The following CDKL2 variants were observed in gnomAD, a reference collection of about 807,000 sequenced individuals.
CDKL2 encodes cyclin dependent kinase like 2.
In CDKL2, 64 loss-of-function variants were observed where a neutral mutation model predicts 63.9. The observed-to-expected ratio is 1.00, with a 90% CI of 0.82 to 1.23. The LOEUF is 1.23. Ranked by LOEUF, CDKL2 falls within the 50% of genes most tolerant of loss-of-function variation. The probability of loss-of-function intolerance (pLI) is 0.00; values close to 1 mark genes in which losing one functional copy is unlikely to be tolerated. For synonymous variants in CDKL2, 211 were observed against 229.2 expected, an observed-to-expected ratio of 0.92 and a Z score of 0.72; for missense variants, 656 against 668.0, an observed-to-expected ratio of 0.98 and a Z score of 0.20.
chr4:75,598,138 C>T lies in CDKL2; in HGVS notation c.959G>A (p.Arg320Lys). Reference protein sequence around the residue: ...NVSLSKKSQNRKKEKEKDDSL... With the variant: ...NVSLSKKSQNKKKEKEKDDSL... ...ATCATCTTTTTCTTTTTCCTTCTTT[C>T]TGTTTTGGGATTTTTTAGATAAAGA... The change falls in exon 8 of 14, where the codon AGA becomes AAA. Residue 320 changes from arginine to lysine, a missense_variant. Coordinates refer to ENST00000307465, the MANE Select transcript of CDKL2 (RefSeq NM_001330724.2). 2 of 1,555,034 alleles carry T rather than the reference C, an allele frequency of 1.3e-6. No individual in the cohort carries two copies. Among genetic ancestry groups the T allele is most frequent in the Non-Finnish European group, 1.8e-6 (2 of 1,139,690 alleles).
At chr4:75,623,359 T>G (rs1730257133) in intron 2 of CDKL2, among the ~76,000 whole-genome samples, 1 of 152,096 alleles carries the variant, frequency 6.6e-6, no homozygotes, top group African/African-American at 2.4e-5. Context: ...TGGGACAGAA[T>G]AAAATCTTAC....
At chr4:75,608,981 G>C (rs1442764432) in intron 3 of CDKL2, among the ~76,000 whole-genome samples, 2 of 141,878 alleles carry the variant, frequency 1.4e-5, no homozygotes, top group Non-Finnish European at 3.0e-5. Context: ...GCAACAGAGC[G>C]AGACTCCATC....
At chr4:75,596,708 A>C (rs983372724) in intron 9 of CDKL2, among the ~76,000 whole-genome samples, 2 of 152,160 alleles carry the variant, frequency 1.3e-5, no homozygotes, top group Non-Finnish European at 2.9e-5. Flanking sequence ...GATTCTCTTC[A>C]CCTTAAGCAA....
At chr4:75,614,999 A>G (rs914532062) in intron 2 of CDKL2, among the ~76,000 whole-genome samples, 1 of 118,728 alleles carries the variant, frequency 8.4e-6, no homozygotes, top group African/African-American at 3.9e-5. Context: ...CAGCAGTGAA[A>G]ACATCCCTAG....
intron 3 of CDKL2, among the ~76,000 whole-genome samples, chr4:75,607,881 C>T (rs1489294673): frequency 6.6e-6 from 1 of 152,120 alleles, no homozygotes; most frequent in Non-Finnish European, 1.5e-5. Flanking sequence ...GGCGCGATCT[C>T]GGCTCACTGC....
intron 6 of CDKL2, among the ~76,000 whole-genome samples, chr4:75,600,858 A>AC (rs1323519185): frequency 6.6e-6 from 1 of 152,160 alleles, no homozygotes; most frequent in Non-Finnish European, 1.5e-5. Context: ...AGACCACCAA[A>AC]CATTCAGTGT....
At chr4:75,581,042 C>A (rs1341400808) in intron 13 of CDKL2, among the ~76,000 whole-genome samples, 1 of 152,066 alleles carries the variant, frequency 6.6e-6, no homozygotes, top group Non-Finnish European at 1.5e-5. Context: ...AAAAGGAAGT[C>A]AATAATTTGG....
chr4:75,603,234 TCATGATC>T (rs1401753912), intron 6 of CDKL2, among the ~76,000 whole-genome samples: 1 of 144,166 alleles, frequency 6.9e-6, no homozygotes, highest in Non-Finnish European at 1.5e-5. Context: ...TCTCCTGACC[TCATGATC>T]CACCCGCCTC....
At chr4:75,600,489 A>G (rs1402715147) in intron 6 of CDKL2, 120 bp from the exon 7 acceptor site, 1 of 664,060 alleles carries the variant, frequency 1.5e-6, no homozygotes, top group African/African-American at 1.8e-5. Context: ...ACAGGGTCTC[A>G]CTCTGTTGCC....
intron 3 of CDKL2, among the ~76,000 whole-genome samples, chr4:75,611,836 T>A (rs1227431895): frequency 2.0e-5 from 3 of 151,960 alleles, no homozygotes; most frequent in African/African-American, 7.3e-5. Flanking sequence ...GTATTTTTAG[T>A]AGAGACGGGG....
intron 1 of CDKL2, among the ~76,000 whole-genome samples, chr4:75,629,752 C>T (rs984002376): frequency 6.6e-6 from 1 of 151,898 alleles, no homozygotes; most frequent in Non-Finnish European, 1.5e-5. Flanking sequence ...CCAGCCTAAC[C>T]AACATGGAGA....
intron 3 of CDKL2, among the ~76,000 whole-genome samples, chr4:75,613,386 T>G (rs1478549437): frequency 6.6e-6 from 1 of 152,218 alleles, no homozygotes; most frequent in Admixed American, 6.5e-5. Flanking sequence ...GGCAGGTATG[T>G]AAAATGATTT....
chr4:75,628,361 C>T (rs544189281), intron 1 of CDKL2, among the ~76,000 whole-genome samples: 28 of 152,190 alleles, frequency 1.8e-4, no homozygotes, highest in African/African-American at 6.5e-4. Flanking sequence ...GTGATCTGCC[C>T]GCCTCGGCCT....
intron 1 of CDKL2, among the ~76,000 whole-genome samples, chr4:75,627,383 C>G (rs1730468824): frequency 6.6e-6 from 1 of 151,878 alleles, no homozygotes; most frequent in Admixed American, 6.6e-5. Flanking sequence ...AGCAATTCTC[C>G]TGCCTCCGCC....
rs566627478 is a variant in CDKL2, at chr4:75,576,504, T to C, written c.*2698A>G. On this transcript the variant is annotated 3_prime_UTR_variant, in exon 14 of 14. Transcript: ENST00000307465. Reference sequence around the variant, plus strand: ...CCCTTGAGAAAACAATGTGAGAACATAATTTTTTATTCATATAGATAGAGG... The same window carrying C: ...CCCTTGAGAAAACAATGTGAGAACACAATTTTTTATTCATATAGATAGAGG... 6.6e-5 allele frequency among the ~76,000 whole-genome samples: 10 copies of C among 152,318 alleles called. No homozygotes were observed. The highest frequency in any genetic ancestry group is 2.4e-4 in the African/African-American group (10 of 41,568).
rs1729312067 is a variant in CDKL2 at position 75,603,878 on chromosome 4, T to C, written c.734A>G (p.Glu245Gly). 6.2e-7 allele frequency: 1 copy of C among 1,613,696 alleles called. No individual in the cohort carries two copies. The highest frequency in any genetic ancestry group is 1.7e-5 in the Admixed American group (1 of 59,916). The change falls in exon 6 of 14, where the codon GAA becomes GGA. Residue 245 changes from glutamate (E) to glycine (G), a missense_variant. Transcript: ENST00000307465. ...ATAGCGTCTTTCAAGAGGTTCTCTT[T>C]CCTTGATTTCAGGCAACCTTACTCC... ...FAGVRLPEIK[E>G]REPLERRYPK...
At chr4:75,613,438 C>T (rs893716879) in intron 3 of CDKL2, among the ~76,000 whole-genome samples, 1 of 152,010 alleles carries the variant, frequency 6.6e-6, no homozygotes, top group Non-Finnish European at 1.5e-5. Flanking sequence ...AATTTTTCTA[C>T]CATTAATATT....
rs184167397 is a variant in CDKL2 at position 75,585,584 on chromosome 4, C to A, written c.1648-3686G>T. ...CTCCAGCCTGGGCAACAGAGTGAGA[C>A]CCCATTTCTAAAAAAATAATAATAA... On this transcript the variant is annotated intron_variant, in intron 12 of 13. Coordinates refer to ENST00000307465, the MANE Select transcript of CDKL2 (RefSeq NM_001330724.2). 2.8e-3 allele frequency among the ~76,000 whole-genome samples: 419 copies of A among 151,832 alleles called. 3 individuals are homozygous for A. The highest frequency in any genetic ancestry group is 8.3e-3 in the South Asian group (40 of 4,796).
In CDKL2 at chr4:75,598,110, G is replaced by A. The variant is rs754411698; in HGVS notation, c.987C>T (p.Ser329=). The change falls in exon 8 of 14, where the codon TCC becomes TCT. Residue 329 remains serine, a synonymous_variant. Coordinates refer to ENST00000307465, the MANE Select transcript of CDKL2 (RefSeq NM_001330724.2). The part of the protein sequence containing the change: ...NRKKEKEKDD[S]LVEERKTLVV... The stretch of plus-strand genomic sequence containing the variant: ...CAAGTGTTTTTCTTTCTTCAACTAA[G>A]GAATCATCTTTTTCTTTTTCCTTCT... 18 of 1,548,116 alleles carry A rather than the reference G, an allele frequency of 1.2e-5. No homozygotes were observed. In the South Asian group the frequency reaches 2.1e-4, roughly 18 times the overall value.
Sources: gnomAD v4.1 joint callset for allele counts (sites outside exome capture counted in the v4.1 genomes callset) on GRCh38, gnomAD v4.1.1 for gene constraint, MANE v1.5 for transcripts, NCBI Gene and HGNC (gene_info 2026-07-23, HGNC 2026-07-21) for gene names.